CWH43: variants seen among roughly 807,000 people sequenced by gnomAD.
CWH43 encodes the protein cell wall biogenesis 43 C-terminal homolog.
In CWH43, 91 loss-of-function variants were observed where a neutral mutation model predicts 85.7. The ratio of observed to expected loss-of-function variants is 1.06; its 90% confidence interval spans 0.90 to 1.26. The LOEUF (loss-of-function observed/expected upper bound fraction) is 1.26, where lower values mean the gene tolerates loss of function less well. Ranked by LOEUF, CWH43 falls within the 50% of genes most tolerant of loss-of-function variation. CWH43 has a pLI of 0.00. For missense variants in CWH43, 869 were observed against 839.2 expected (o/e 1.04, Z -0.44); for synonymous variants, 323 against 293.6 (o/e 1.10, Z -1.02).
intron 6 of CWH43, among the ~76,000 whole-genome samples, chr4:49,002,264 T>G (rs1173265196): frequency 2.0e-5 from 3 of 152,178 alleles, no homozygotes; most frequent in African/African-American, 4.8e-5. Flanking sequence ...CATCACACTG[T>G]TGTTTTAAAA....
chr4:49,036,604 C>T (rs1342218066), intron 12 of CWH43, among the ~76,000 whole-genome samples: 5 of 152,128 alleles, frequency 3.3e-5, no homozygotes, highest in African/African-American at 1.2e-4. Flanking sequence ...TATTAGCTAC[C>T]TTTCTATGTA....
At chr4:48,994,500 T>G (rs1413836805) in intron 4 of CWH43, 119 bp from the exon 5 acceptor site, 1 of 790,358 alleles carries the variant, frequency 1.3e-6, no homozygotes, top group East Asian at 2.6e-5. Flanking sequence ...TCATCTCCTC[T>G]TCCGAAGTAA....
chr4:49,054,264 G>A (rs554608735), intron 15 of CWH43, among the ~76,000 whole-genome samples: 1 of 152,262 alleles, frequency 6.6e-6, no homozygotes, highest in South Asian at 2.1e-4. Context: ...TGAAAAGGTT[G>A]TCCTTTCCCC....
chr4:49,010,826 C>T lies in CWH43; in HGVS notation c.1186+3500C>T, dbSNP rs557971993. ...AATCCTGAATTCTAATTTCATTGCA[C>T]TGTGATCTAAGAGACAGTTTGTTAT... On this transcript the variant is annotated intron_variant, in intron 8 of 15. Coordinates refer to ENST00000226432, the MANE Select transcript of CWH43 (RefSeq NM_025087.3). Among the ~76,000 whole-genome samples, 12 of 152,298 alleles carry T rather than the reference C, an allele frequency of 7.9e-5. No individual in the cohort carries two copies. In the East Asian group the frequency reaches 2.3e-3, roughly 29 times the overall value.
At chr4:48,991,832 A>G (rs1782669571) in intron 3 of CWH43, 104 bp from the exon 4 acceptor site, 2 of 1,045,818 alleles carry the variant, frequency 1.9e-6, no homozygotes, top group African/African-American at 3.2e-5. Flanking sequence ...GCAAATTACC[A>G]ATAAGACTAT....
chr4:49,035,628 G>A (rs1219539322), intron 12 of CWH43, among the ~76,000 whole-genome samples: 1 of 152,102 alleles, frequency 6.6e-6, no homozygotes, highest in African/African-American at 2.4e-5. Flanking sequence ...AGGGTTATTG[G>A]ACCAACAAAA....
intron 2 of CWH43, among the ~76,000 whole-genome samples, chr4:48,988,987 C>A (rs1211458072): frequency 8.5e-5 from 13 of 152,050 alleles, no homozygotes; most frequent in Admixed American, 8.5e-4. Flanking sequence ...ACTCAGGAGC[C>A]ATTTAAAAAA....
At chr4:49,005,878 A>G (rs1421511073) in intron 7 of CWH43, among the ~76,000 whole-genome samples, 1 of 152,156 alleles carries the variant, frequency 6.6e-6, no homozygotes, top group Non-Finnish European at 1.5e-5. Context: ...TACTCTGCAC[A>G]TTTTGCCATA....
At position 49,061,479 on chromosome 4, in the gene CWH43, T is replaced by A. The variant is rs12108276; in HGVS notation, c.2022-333T>A. Among the ~76,000 whole-genome samples the A allele has an allele frequency of 8.2e-3, 1,247 of 152,328 alleles. 12 individuals carry two copies. The highest frequency in any genetic ancestry group is 0.025 in the African/African-American group (1,021 of 41,580). ...AGTTCTGCCAAAATAGATTTTTATA[T>A]GCATAAATGTAACATGAATAGCATT... On this transcript the variant is annotated intron_variant, in intron 15 of 15. Transcript: ENST00000226432.
intron 9 of CWH43, among the ~76,000 whole-genome samples, chr4:49,018,440 A>G (rs1783632038): frequency 6.6e-6 from 1 of 152,196 alleles, no homozygotes; most frequent in African/African-American, 2.4e-5. Flanking sequence ...GATATTGCTG[A>G]ATACAGCAAT....
intron 9 of CWH43, among the ~76,000 whole-genome samples, chr4:49,023,538 C>A (rs1783813726): frequency 6.6e-6 from 1 of 152,046 alleles, no homozygotes. Flanking sequence ...CCACATCCAG[C>A]TAAATTTTGT....
rs781366446 is a variant in CWH43 at position 48,994,600 on chromosome 4, A to G, written c.512-19A>G. On this transcript the variant is annotated intron_variant, in intron 4 of 15. Transcript: ENST00000226432. ...CCATATAACTAAACTTTTTCCATAT[A>G]TGTATTTTTAAATTCTAGATGGTGA... The G allele has an allele frequency of 6.3e-6, 10 of 1,596,674 alleles. No homozygotes were observed. The highest frequency in any genetic ancestry group is 1.4e-5 in the African/African-American group (1 of 73,938).
Position 49,043,764 on chromosome 4 carries a change from C to A in CWH43, c.1804-1022C>A, listed in dbSNP as rs546275181. The stretch of plus-strand genomic sequence containing the variant: ...ATTTATTTATCTATTTAATTATTCC[C>A]AATACTAAAGTTTTCTATTTTCCCA... On this transcript the variant is annotated intron_variant, in intron 13 of 15. Transcript: ENST00000226432. Among the ~76,000 whole-genome samples, 18 of 151,816 alleles carry A rather than the reference C, an allele frequency of 1.2e-4. No homozygotes were observed. In the East Asian group the frequency reaches 3.5e-3, roughly 29 times the overall value.
chr4:49,028,243 C>T (rs1419995768), intron 9 of CWH43, among the ~76,000 whole-genome samples: 1 of 152,016 alleles, frequency 6.6e-6, no homozygotes, highest in African/African-American at 2.4e-5. Context: ...TGAGATTCCT[C>T]CTTGTGGACC....
At chr4:48,998,897 T>G (rs1782902881) in intron 6 of CWH43, among the ~76,000 whole-genome samples, 1 of 152,196 alleles carries the variant, frequency 6.6e-6, no homozygotes, top group African/African-American at 2.4e-5. Flanking sequence ...AGTATATTAT[T>G]TTATTTGTAT....
chr4:49,017,244 T>C lies in CWH43; in HGVS notation c.1187-5T>C. 6.2e-7 allele frequency: 1 copy of C among 1,606,244 alleles called. No individual in the cohort carries two copies. Among genetic ancestry groups the C allele is most frequent in the Non-Finnish European group, 8.5e-7 (1 of 1,176,350 alleles). On this transcript the variant is annotated splice_region_variant and splice_polypyrimidine_tract_variant and intron_variant, in intron 8 of 15. Transcript: ENST00000226432. The stretch of plus-strand genomic sequence containing the variant: ...AAAACCCAATTATTTCTTTTTTCTG[T>C]TTAGTTCTGTGGCTGCTTGTTGGTG...
intron 6 of CWH43, among the ~76,000 whole-genome samples, chr4:49,001,889 A>G (rs1783003576): frequency 6.6e-6 from 1 of 152,126 alleles, no homozygotes; most frequent in Admixed American, 6.6e-5. Context: ...GAAAAATTCA[A>G]CCTCACTAAC....
chr4:49,004,113 A>T (rs1783080017), intron 7 of CWH43, 121 bp downstream of exon 7: 5 of 849,982 alleles, frequency 5.9e-6, no homozygotes, highest in Non-Finnish European at 8.7e-6. Context: ...CTTTCTTGGT[A>T]AAATAGACTC....
rs146874548 is a variant in CWH43 at position 49,060,135 on chromosome 4, T to A, written c.2022-1677T>A. Among the ~76,000 whole-genome samples the A allele has an allele frequency of 2.9e-3, 436 of 151,858 alleles. 3 individuals are homozygous for A. Among genetic ancestry groups the A allele is most frequent in the African/African-American group, 0.01 (424 of 41,390 alleles). Reference sequence around the variant, plus strand: ...CCAGTCTAGAACCTGGAACTGGCAATGCTGTCCTGGTGCCTGGGGTTATAA... The same window carrying A: ...CCAGTCTAGAACCTGGAACTGGCAAAGCTGTCCTGGTGCCTGGGGTTATAA... On this transcript the variant is annotated intron_variant, in intron 15 of 15. Coordinates refer to ENST00000226432, the MANE Select transcript of CWH43 (RefSeq NM_025087.3).
Sources: allele counts gnomAD v4.1 joint callset (sites outside exome capture counted in the v4.1 genomes callset), GRCh38; gene constraint gnomAD v4.1.1; transcripts MANE v1.5; gene names NCBI Gene and HGNC (gene_info 2026-07-23, HGNC 2026-07-21).